HOGA1: variants seen among roughly 807,000 people sequenced by gnomAD.
HOGA1 encodes the protein 4-hydroxy-2-oxoglutarate aldolase, mitochondrial.
HOGA1 carries 30 observed loss-of-function variants against 34.3 expected under a neutral mutation model. The observed-to-expected ratio is 0.87, with a 90% CI of 0.65 to 1.19. The LOEUF is 1.19. HOGA1 is among the 50% of genes most tolerant of loss of function. The probability of loss-of-function intolerance (pLI) is 0.00; values close to 1 mark genes in which losing one functional copy is unlikely to be tolerated. For synonymous variants in HOGA1, 161 were observed against 174.0 expected, an observed-to-expected ratio of 0.93 and a Z score of 0.59; for missense variants, 417 against 436.5, an observed-to-expected ratio of 0.96 and a Z score of 0.40.
chr10:97,605,125 C>T (rs2041147043), intron 6 of HOGA1, among the ~76,000 whole-genome samples: 1 of 152,000 alleles, frequency 6.6e-6, no homozygotes, highest in Non-Finnish European at 1.5e-5. Flanking sequence ...TGAGAAACTG[C>T]TGGCTGGGTG....
chr10:97,602,566 T>C (rs2041127621), intron 6 of HOGA1: 1 of 985,302 alleles, frequency 1.0e-6, no homozygotes, highest in African/African-American at 1.7e-5. Flanking sequence ...CAGAAAAATA[T>C]GTGCCCCTGT....
intron 1 of HOGA1, chr10:97,589,876 C>A: frequency 6.3e-7 from 1 of 1,598,506 alleles, no homozygotes; most frequent in Non-Finnish European, 8.6e-7. Context: ...GGACTGCCCT[C>A]TTGCTAGGAG....
chr10:97,607,251 G>A (rs985036048), intron 6 of HOGA1, among the ~76,000 whole-genome samples: 23 of 152,182 alleles, frequency 1.5e-4, no homozygotes, highest in African/African-American at 5.5e-4. Context: ...GCAGCAGGTG[G>A]GGTGGGCTCT....
intron 6 of HOGA1, among the ~76,000 whole-genome samples, chr10:97,606,812 C>A (rs541409029): frequency 2.6e-5 from 4 of 152,126 alleles, no homozygotes; most frequent in Non-Finnish European, 4.4e-5. Context: ...ATCGAAATTG[C>A]GTTAAGCCTG....
intron 1 of HOGA1, chr10:97,590,507 C>T (rs2041012896): frequency 1.2e-5 from 20 of 1,612,568 alleles, no homozygotes; most frequent in Non-Finnish European, 1.6e-5. Flanking sequence ...TGGCCACAGT[C>T]ACCACAGTCA....
chr10:97,600,240 G>A (rs553221586), intron 5 of HOGA1, 77 bp downstream of exon 5: 34 of 1,237,170 alleles, frequency 2.7e-5, no homozygotes, highest in African/African-American at 1.2e-4. Flanking sequence ...GGGAGAGATC[G>A]TGAGGGCTGG....
chr10:97,597,412 G>A (rs1174102950), intron 1 of HOGA1, among the ~76,000 whole-genome samples: 3 of 151,786 alleles, frequency 2.0e-5, no homozygotes, highest in Non-Finnish European at 4.4e-5. Flanking sequence ...TAATGGAGTG[G>A]GATAGAGAGG....
chr10:97,599,321 G>A (rs746992547), intron 3 of HOGA1, 105 bp downstream of exon 3: 5 of 1,361,124 alleles, frequency 3.7e-6, no homozygotes, highest in African/African-American at 1.4e-5. Context: ...TATAGGAAAC[G>A]GGTGGACTGC....
chr10:97,587,410 G>T (rs1425890017), intron 1 of HOGA1, among the ~76,000 whole-genome samples: 1 of 152,136 alleles, frequency 6.6e-6, no homozygotes, highest in Non-Finnish European at 1.5e-5. Context: ...AACATAGTGA[G>T]ACCCTGTCTC....
At chr10:97,601,374 C>G (rs760193037) in intron 5 of HOGA1, among the ~76,000 whole-genome samples, 21 of 152,128 alleles carry the variant, frequency 1.4e-4, no homozygotes, top group Non-Finnish European at 3.1e-4. Context: ...GGAAGACATG[C>G]CTGGTGACCT....
At chr10:97,602,201 T>A in intron 6 of HOGA1, 1 of 1,538,676 alleles carries the variant, frequency 6.5e-7, no homozygotes, top group Non-Finnish European at 8.8e-7. Context: ...CAAACTTAAG[T>A]GTGCATTAAA....
intron 1 of HOGA1, chr10:97,590,611 G>C: frequency 1.9e-6 from 3 of 1,578,314 alleles, no homozygotes; most frequent in Non-Finnish European, 2.6e-6. Flanking sequence ...GGATGGAGAC[G>C]CCCCTGCCCC....
In HOGA1 at chr10:97,611,743, AT is replaced by A. The variant is rs1304672410; in HGVS notation, c.*85del. On this transcript the variant is annotated 3_prime_UTR_variant, in exon 7 of 7. Transcript: ENST00000370646. ...AGCCTGAAGCGGAGAGCACAGGGGG[AT>A]GAGGGTGGCAGGCAGCGGGGAGCCG... The A allele has an allele frequency of 1.3e-6, 2 of 1,502,304 alleles. No homozygotes were observed. The highest frequency in any genetic ancestry group is 1.8e-6 in the Non-Finnish European group (2 of 1,112,088). The allele number at this position is 1,502,304 out of a possible 1,614,324, so 93.1% of individuals were successfully genotyped here.
Position 97,611,711 on chromosome 10 carries a change from C to A in HOGA1, c.*52C>A. ...GAGCCCATCTCAGCCTCCTGCCTTG[C>A]ACTTGCAGCCTGAAGCGGAGAGCAC... On this transcript the variant is annotated 3_prime_UTR_variant, in exon 7 of 7. Coordinates refer to ENST00000370646, the MANE Select transcript of HOGA1 (RefSeq NM_138413.4). 6.3e-7 allele frequency: 1 copy of A among 1,579,858 alleles called. No individual in the cohort carries two copies. The highest frequency in any genetic ancestry group is 8.6e-7 in the Non-Finnish European group (1 of 1,165,654).
intron 1 of HOGA1, chr10:97,590,816 G>GCTGT: frequency 1.7e-6 from 1 of 586,958 alleles, no homozygotes; most frequent in South Asian, 2.2e-5. Context: ...ACACAGCGCA[G>GCTGT]GTGAGATAGA....
At chr10:97,602,229 T>C in intron 6 of HOGA1, 1 of 1,509,686 alleles carries the variant, frequency 6.6e-7, no homozygotes. Context: ...TGGGGGCGAA[T>C]TAAAGTTCCA....
intron 3 of HOGA1, 75 bp from the exon 4 acceptor site, chr10:97,599,605 G>A (rs1405831731): frequency 6.3e-7 from 1 of 1,590,254 alleles, no homozygotes; most frequent in Non-Finnish European, 8.6e-7. Context: ...TGGGACCTGT[G>A]GGTGGGCAAG....
chr10:97,597,903 T>C (rs2041083684), intron 1 of HOGA1, among the ~76,000 whole-genome samples: 1 of 152,180 alleles, frequency 6.6e-6, no homozygotes, highest in Admixed American at 6.5e-5. Context: ...TGAGCCGTGA[T>C]TGTGACACTG....
At position 97,584,525 on chromosome 10, in the gene HOGA1, C is replaced by A; in HGVS notation, c.-179C>A. 1.6e-6 allele frequency: 1 copy of A among 622,092 alleles called. No individual in the cohort carries two copies. Among genetic ancestry groups the A allele is most frequent in the Non-Finnish European group, 2.8e-6 (1 of 352,120 alleles). The allele number at this position is 622,092 out of a possible 1,614,324, so 38.5% of individuals were successfully genotyped here. On this transcript the variant is annotated 5_prime_UTR_variant, in exon 1 of 7. Transcript: ENST00000370646. ...CAGAAGGAACAGGGCCCCCTGGGGC[C>A]TATAGGCCTTGCCCCTGACCCTGGG... is the stretch of plus-strand genomic sequence containing the variant.
Sources: gnomAD v4.1 joint callset for allele counts (sites outside exome capture counted in the v4.1 genomes callset) on GRCh38, gnomAD v4.1.1 for gene constraint, MANE v1.5 for transcripts, NCBI Gene and HGNC (gene_info 2026-07-23, HGNC 2026-07-21) for gene names.